The following TSPAN7 variants were observed in gnomAD, a reference collection of about 807,000 sequenced individuals.
The protein encoded by TSPAN7 is tetraspanin 7, also known as tetraspanin-7.
A neutral mutation model predicts 17.6 loss-of-function variants in TSPAN7; 1 was observed. The ratio of observed to expected loss-of-function variants is 0.06; its 90% confidence interval spans 0.02 to 0.27. TSPAN7 has a LOEUF of 0.27. Ranked by LOEUF, TSPAN7 falls within the 10% of genes least tolerant of loss-of-function variation. The probability of loss-of-function intolerance (pLI) is 1.00; values close to 1 mark genes in which losing one functional copy is unlikely to be tolerated. For missense variants in TSPAN7, 112 were observed against 201.7 expected, an observed-to-expected ratio of 0.56 and a Z score of 2.69; for synonymous variants, 78 against 79.0, an observed-to-expected ratio of 0.99 and a Z score of 0.07.
intron 6 of TSPAN7, among the ~76,000 whole-genome samples, chrX:38,686,473 C>T (rs1057241726): frequency 4.5e-5 from 5 of 111,409 alleles, no homozygotes; most frequent in African/African-American, 1.3e-4. Context: ...TGGGCCCCAC[C>T]CCCCAGCATA....
intron 1 of TSPAN7, among the ~76,000 whole-genome samples, chrX:38,567,589 G>A (rs1424036521): frequency 1.8e-5 from 2 of 112,326 alleles, no homozygotes; most frequent in Non-Finnish European, 1.9e-5. Context: ...TTATTCTTTT[G>A]CACATCAATA....
At chrX:38,599,238 C>T (rs1471969885) in intron 1 of TSPAN7, among the ~76,000 whole-genome samples, 1 of 110,894 alleles carries the variant, frequency 9.0e-6, no homozygotes, top group African/African-American at 3.3e-5. Context: ...GTTCTAGTCT[C>T]TTTTGGGTAG....
chrX:38,647,291 A>G (rs1470694818), intron 1 of TSPAN7, among the ~76,000 whole-genome samples: 2 of 111,400 alleles, frequency 1.8e-5, no homozygotes, highest in East Asian at 5.6e-4. Flanking sequence ...TTACTGAAAT[A>G]TTTTTGGTAG....
chrX:38,650,347 A>G, intron 1 of TSPAN7, among the ~76,000 whole-genome samples: 1 of 112,564 alleles, frequency 8.9e-6, no homozygotes, highest in East Asian at 2.8e-4. Flanking sequence ...ACTAAAAATA[A>G]TATCAATTGA....
At chrX:38,687,743 G>T (rs1041364992) in intron 7 of TSPAN7, 69 bp downstream of exon 7, 4 of 913,247 alleles carry the variant, frequency 4.4e-6, no homozygotes, top group Non-Finnish European at 6.2e-6. Flanking sequence ...CTTCAAATGT[G>T]CAGGAGTACT....
At chrX:38,580,353 C>T (rs1396709896) in intron 1 of TSPAN7, among the ~76,000 whole-genome samples, 2 of 112,142 alleles carry the variant, frequency 1.8e-5, no homozygotes, top group African/African-American at 3.2e-5. Context: ...ATTTTGTCCC[C>T]GTTTTCCATA....
At chrX:38,635,706 C>T (rs1203906356) in intron 1 of TSPAN7, among the ~76,000 whole-genome samples, 3 of 112,064 alleles carry the variant, frequency 2.7e-5, no homozygotes, top group Non-Finnish European at 5.6e-5. Context: ...TTAGTATAAC[C>T]TTGTGAAAAA....
chrX:38,606,285 A>G (rs113409799), intron 1 of TSPAN7, among the ~76,000 whole-genome samples: 4,883 of 112,180 alleles, frequency 0.044, 234 homozygotes, highest in African/African-American at 0.14. Context: ...TGAATTTAAT[A>G]TTTTAAAAGG....
intron 2 of TSPAN7, among the ~76,000 whole-genome samples, chrX:38,669,539 C>A (rs1198299345): frequency 8.9e-6 from 1 of 111,829 alleles, no homozygotes; most frequent in African/African-American, 3.3e-5. Flanking sequence ...AAGCTCGTCC[C>A]AATAGGCTTT....
chrX:38,565,835 G>T (rs1460882774), intron 1 of TSPAN7, among the ~76,000 whole-genome samples: 2 of 111,578 alleles, frequency 1.8e-5, no homozygotes, highest in Non-Finnish European at 3.8e-5. Flanking sequence ...TTCTCAAAAG[G>T]GGGCAGTTTT....
At chrX:38,604,133 T>G (rs1042018951) in intron 1 of TSPAN7, among the ~76,000 whole-genome samples, 4 of 101,489 alleles carry the variant, frequency 3.9e-5, no homozygotes, top group African/African-American at 1.4e-4. Flanking sequence ...TTTGGTTTTT[T>G]GTTCTTGCGA....
intron 1 of TSPAN7, among the ~76,000 whole-genome samples, chrX:38,610,856 G>C (rs1404091211): frequency 8.9e-6 from 1 of 112,198 alleles, no homozygotes; most frequent in Non-Finnish European, 1.9e-5. Flanking sequence ...GAAAAGTCAA[G>C]GTATAAATCC....
intron 1 of TSPAN7, among the ~76,000 whole-genome samples, chrX:38,562,190 T>C (rs1289696883): frequency 9.0e-6 from 1 of 111,453 alleles, no homozygotes; most frequent in African/African-American, 3.3e-5. Context: ...AAGCGCACGA[T>C]GGGGAGCAGG....
At chrX:38,596,168 T>G (rs777251325) in intron 1 of TSPAN7, among the ~76,000 whole-genome samples, 26 of 111,546 alleles carry the variant, frequency 2.3e-4, no homozygotes, top group African/African-American at 8.4e-4. Flanking sequence ...CAGCTTCCCT[T>G]ATCTGCATGT....
intron 2 of TSPAN7, among the ~76,000 whole-genome samples, chrX:38,666,553 A>G (rs978812958): frequency 9.2e-6 from 1 of 109,031 alleles, no homozygotes; most frequent in East Asian, 2.9e-4. Context: ...CAGTGATTGC[A>G]GTAGTCCATT....
intron 1 of TSPAN7, among the ~76,000 whole-genome samples, chrX:38,569,291 G>C (rs984223469): frequency 2.7e-5 from 3 of 110,765 alleles, no homozygotes; most frequent in Non-Finnish European, 5.7e-5. Flanking sequence ...TCTTCTAATT[G>C]CTCTCTGAGT....
chrX:38,682,426 A>G (rs1419627624), intron 6 of TSPAN7, among the ~76,000 whole-genome samples: 1 of 112,447 alleles, frequency 8.9e-6, no homozygotes, highest in Non-Finnish European at 1.9e-5. Context: ...AAGTTACCAC[A>G]AAATGAACAT....
At chrX:38,601,899 C>A (rs1396967785) in intron 1 of TSPAN7, among the ~76,000 whole-genome samples, 1 of 111,325 alleles carries the variant, frequency 9.0e-6, no homozygotes, top group African/African-American at 3.3e-5. Flanking sequence ...CCAGCCTAAG[C>A]TTTTCACATC....
chrX:38,585,880 C>A (rs1289062488), intron 1 of TSPAN7, among the ~76,000 whole-genome samples: 1 of 112,647 alleles, frequency 8.9e-6, no homozygotes, highest in Non-Finnish European at 1.9e-5. Flanking sequence ...CTGCCTTCCA[C>A]CATGTGTGGA....
Sources: allele counts gnomAD v4.1 joint callset (sites outside exome capture counted in the v4.1 genomes callset), GRCh38; gene constraint gnomAD v4.1.1; transcripts MANE v1.5; gene names NCBI Gene and HGNC (gene_info 2026-07-23, HGNC 2026-07-21).